The following SAE1 variants were observed in gnomAD, a reference collection of about 807,000 sequenced individuals.
SAE1 encodes SUMO1 activating enzyme subunit 1.
In SAE1, 11 loss-of-function variants were observed where a neutral mutation model predicts 40.6. The ratio of observed to expected loss-of-function variants is 0.27; its 90% CI spans 0.17 to 0.45. The LOEUF (loss-of-function observed/expected upper bound fraction) is 0.45. Ranked by LOEUF, SAE1 falls within the 20% of genes least tolerant of loss-of-function variation. The pLI is 1.00. For synonymous variants in SAE1, 155 were observed against 154.3 expected (o/e 1.00, Z -0.03); for missense variants, 373 against 427.3 (o/e 0.87, Z 1.12).
intron 2 of SAE1, among the ~76,000 whole-genome samples, chr19:47,145,571 C>T (rs975201698): frequency 6.6e-5 from 10 of 151,986 alleles, no homozygotes; most frequent in African/African-American, 2.4e-4. Context: ...GCCTCAGTGA[C>T]ATTTTATTTA....
At chr19:47,161,427 G>A (rs1031579403) in intron 5 of SAE1, among the ~76,000 whole-genome samples, 1 of 152,064 alleles carries the variant, frequency 6.6e-6, no homozygotes, top group African/African-American at 2.4e-5. Flanking sequence ...TGGTACTTTT[G>A]TACCAATCTG....
chr19:47,143,584 G>C lies in SAE1; in HGVS notation c.189G>C (p.Leu63=), dbSNP rs752276810. 8.0e-5 allele frequency: 129 copies of C among 1,613,618 alleles called. No individual in the cohort carries two copies. Among genetic ancestry groups the C allele is most frequent in the Non-Finnish European group, 1.0e-4 (122 of 1,179,728 alleles). ...TCATCTTGGCAGGAGTGAAAGGACT[G>C]ACCATGCTGGATCACGAACAGGTGC... ...KNLILAGVKG[L]TMLDHEQVTP... is the part of the protein sequence containing the mutation. Residue 63 remains leucine (L), a synonymous_variant, in exon 2 of 9, where the codon CTG becomes CTC. Coordinates refer to ENST00000270225, the MANE Select transcript of SAE1 (RefSeq NM_005500.3).
chr19:47,183,216 G>A (rs955163577), intron 6 of SAE1, among the ~76,000 whole-genome samples: 4 of 152,058 alleles, frequency 2.6e-5, no homozygotes, highest in South Asian at 2.1e-4. Context: ...GTGCCTGACC[G>A]GTTCACGTAC....
intron 5 of SAE1, among the ~76,000 whole-genome samples, chr19:47,166,276 C>T (rs971297577): frequency 6.6e-6 from 1 of 152,040 alleles, no homozygotes; most frequent in African/African-American, 2.4e-5. Flanking sequence ...GAAGTGGGCA[C>T]GGATGGGGGC....
intron 6 of SAE1, among the ~76,000 whole-genome samples, chr19:47,191,000 G>T (rs1034575209): frequency 1.3e-5 from 2 of 152,256 alleles, no homozygotes; most frequent in Admixed American, 1.3e-4. Flanking sequence ...ATTCCATTAG[G>T]GTTAAGAAGC....
chr19:47,204,463 G>A (rs1173371120), intron 8 of SAE1, among the ~76,000 whole-genome samples: 1 of 147,328 alleles, frequency 6.8e-6, no homozygotes, highest in Admixed American at 6.8e-5. Flanking sequence ...CTCTCAAAGT[G>A]CTGGGATTAC....
At chr19:47,132,082 T>C (rs1600140430) in intron 1 of SAE1, among the ~76,000 whole-genome samples, 2 of 151,834 alleles carry the variant, frequency 1.3e-5, no homozygotes, top group African/African-American at 4.8e-5. Flanking sequence ...CTCACCTCAG[T>C]CTTCTGAGTA....
intron 3 of SAE1, among the ~76,000 whole-genome samples, chr19:47,152,436 C>T (rs2058293566): frequency 6.6e-6 from 1 of 152,176 alleles, no homozygotes; most frequent in Non-Finnish European, 1.5e-5. Context: ...TTTATCTTAA[C>T]ATATCAATCA....
rs115959398 is a variant in SAE1 at position 47,187,960 on chromosome 19, G to C, written c.734-9273G>C. 3.5e-3 allele frequency among the ~76,000 whole-genome samples: 540 copies of C among 152,278 alleles called. 4 individuals are homozygous for C. Among genetic ancestry groups the C allele is most frequent in the African/African-American group, 0.011 (457 of 41,550 alleles). ...AGCCCTGTGCCAGGTGTTCAGTATA[G>C]AGTAGTGACATCGCCTTTGCCCCAC... On this transcript the variant is annotated intron_variant, in intron 6 of 8. Transcript: ENST00000270225.
intron 2 of SAE1, among the ~76,000 whole-genome samples, chr19:47,143,857 A>G (rs994456273): frequency 1.3e-5 from 2 of 152,162 alleles, no homozygotes; most frequent in South Asian, 2.1e-4. Flanking sequence ...GGGGTTAGTA[A>G]TATCTCCCTT....
intron 6 of SAE1, among the ~76,000 whole-genome samples, chr19:47,182,592 A>G (rs1458660115): frequency 6.6e-6 from 1 of 152,000 alleles, no homozygotes; most frequent in Admixed American, 6.6e-5. Context: ...CACCATGGAA[A>G]CAGGAGAGGT....
intron 5 of SAE1, among the ~76,000 whole-genome samples, chr19:47,168,835 C>T (rs1278974869): frequency 1.3e-5 from 2 of 152,020 alleles, no homozygotes; most frequent in East Asian, 1.9e-4. Flanking sequence ...AACTCCTGAC[C>T]TCAGGCGATC....
chr19:47,155,162 C>T lies in SAE1; in HGVS notation c.576C>T (p.Pro192=), dbSNP rs768011497. ...TTAGCCAAGGAGTAGAAGATGGGCC[C>T]GACACCAAGAGAGCAAAACTTGATT... ...AKVSQGVEDG[P]DTKRAKLDSS... The change falls in exon 5 of 9, where the codon CCC becomes CCT. Residue 192 remains proline (P), a synonymous_variant. Coordinates refer to ENST00000270225, the MANE Select transcript of SAE1 (RefSeq NM_005500.3). The T allele has an allele frequency of 7.4e-6, 12 of 1,613,694 alleles. No homozygotes were observed. Among genetic ancestry groups the T allele is most frequent in the African/African-American group, 2.7e-5 (2 of 74,844 alleles).
At chr19:47,170,687 T>A (rs1054684022) in intron 6 of SAE1, among the ~76,000 whole-genome samples, 2 of 151,954 alleles carry the variant, frequency 1.3e-5, no homozygotes, top group Non-Finnish European at 2.9e-5. Context: ...TTGTATTTTT[T>A]TGTAGAAGCG....
intron 7 of SAE1, among the ~76,000 whole-genome samples, chr19:47,199,606 A>G (rs1376797068): frequency 2.0e-5 from 3 of 152,072 alleles, no homozygotes; most frequent in Non-Finnish European, 2.9e-5. Flanking sequence ...CAGACCGTTC[A>G]TCACTTTGAA....
intron 8 of SAE1, among the ~76,000 whole-genome samples, chr19:47,205,712 G>C (rs2058683136): frequency 6.6e-6 from 1 of 152,176 alleles, no homozygotes; most frequent in South Asian, 2.1e-4. Context: ...AAAGCCCACT[G>C]TCTGCCACAC....
chr19:47,169,520 C>G (rs2058417461), intron 5 of SAE1, among the ~76,000 whole-genome samples: 1 of 152,140 alleles, frequency 6.6e-6, no homozygotes, highest in Non-Finnish European at 1.5e-5. Context: ...GTTGGGATTA[C>G]AGGTGTGACC....
chr19:47,196,044 C>CTT (rs778913288), intron 6 of SAE1, among the ~76,000 whole-genome samples: 9 of 129,944 alleles, frequency 6.9e-5, no homozygotes, highest in East Asian at 2.2e-4. Context: ...TCTTCCGGGT[C>CTT]TTTTTTTTTT....
intron 8 of SAE1, among the ~76,000 whole-genome samples, chr19:47,207,882 C>T (rs771064720): frequency 6.6e-6 from 1 of 152,114 alleles, no homozygotes; most frequent in Admixed American, 6.6e-5. Flanking sequence ...GTGATTCTCC[C>T]GCCTCGGCCT....
Sources: allele counts gnomAD v4.1 joint callset (sites outside exome capture counted in the v4.1 genomes callset), GRCh38; gene constraint gnomAD v4.1.1; transcripts MANE v1.5; gene names NCBI Gene and HGNC (gene_info 2026-07-23, HGNC 2026-07-21).